The following TTC27 variants were observed in gnomAD, a reference collection of about 807,000 sequenced individuals.
TTC27 encodes the protein tetratricopeptide repeat domain 27.
TTC27 carries 79 observed loss-of-function variants against 115.9 expected under a neutral mutation model. The observed-to-expected ratio is 0.68, with a 90% CI of 0.57 to 0.82. The LOEUF is 0.82. Among genes scored for constraint, TTC27 ranks in the 40% least tolerant of loss-of-function variants. TTC27 has a pLI of 0.00. For synonymous variants in TTC27, 401 were observed against 356.0 expected (o/e 1.13, Z -1.42); for missense variants, 1,054 against 993.1 (o/e 1.06, Z -0.82).
chr2:32,738,904 G>A (rs1346551268), intron 12 of TTC27, among the ~76,000 whole-genome samples: 1 of 152,176 alleles, frequency 6.6e-6, no homozygotes, highest in African/African-American at 2.4e-5. Flanking sequence ...CATTTAAAAT[G>A]TCAAGCAACG....
At chr2:32,670,103 T>G (rs1413654468) in intron 7 of TTC27, among the ~76,000 whole-genome samples, 1 of 151,614 alleles carries the variant, frequency 6.6e-6, no homozygotes, top group African/African-American at 2.4e-5. Context: ...GTCTCGAACT[T>G]CTGACGTCGG....
In TTC27 at chr2:32,645,548, A is replaced by T. The variant is rs115311224; in HGVS notation, c.538-4583A>T. On this transcript the variant is annotated intron_variant, in intron 4 of 19. Transcript: ENST00000317907. ...TTTTTCTTTCTTTGTTTCTTTTTTT[A>T]AAATTGTATTATTATTATGCTTTAA... Among the ~76,000 whole-genome samples, 531 of 151,952 alleles carry T rather than the reference A, an allele frequency of 3.5e-3. 5 individuals are homozygous for T. Among genetic ancestry groups the T allele is most frequent in the African/African-American group, 0.012 (499 of 41,434 alleles).
chr2:32,761,829 GA>G (rs1486409371), intron 13 of TTC27, among the ~76,000 whole-genome samples: 6 of 152,074 alleles, frequency 3.9e-5, no homozygotes, highest in Admixed American at 2.6e-4. Flanking sequence ...GTCTTCACTA[GA>G]ATGTAAGGCC....
chr2:32,689,507 G>T (rs1023302694), intron 9 of TTC27, among the ~76,000 whole-genome samples: 1 of 152,056 alleles, frequency 6.6e-6, no homozygotes, highest in African/African-American at 2.4e-5. Flanking sequence ...ATAGGAAATT[G>T]CTTAGTGTTC....
At chr2:32,783,497 G>C (rs946088206) in intron 15 of TTC27, among the ~76,000 whole-genome samples, 1 of 152,246 alleles carries the variant, frequency 6.6e-6, no homozygotes, top group Admixed American at 6.5e-5. Flanking sequence ...AAGTAAAATT[G>C]CTGCATCTTC....
At chr2:32,691,482 A>G (rs975294117) in intron 9 of TTC27, among the ~76,000 whole-genome samples, 1 of 151,890 alleles carries the variant, frequency 6.6e-6, no homozygotes, top group African/African-American at 2.4e-5. Flanking sequence ...TATTTTTAGT[A>G]GAGACGGGGT....
At chr2:32,771,984 C>T (rs893633202) in intron 13 of TTC27, among the ~76,000 whole-genome samples, 14 of 151,994 alleles carry the variant, frequency 9.2e-5, no homozygotes, top group African/African-American at 3.4e-4. Context: ...GGAAATTAGC[C>T]AAAAGTTTGA....
At chr2:32,655,265 C>G (rs988063824) in intron 5 of TTC27, among the ~76,000 whole-genome samples, 4 of 151,974 alleles carry the variant, frequency 2.6e-5, no homozygotes, top group African/African-American at 9.7e-5. Context: ...GCTGGTATTA[C>G]AGGAGTGAGC....
chr2:32,761,547 C>A (rs1027503563), intron 13 of TTC27, among the ~76,000 whole-genome samples: 1 of 152,078 alleles, frequency 6.6e-6, no homozygotes, highest in African/African-American at 2.4e-5. Context: ...CCAATTCTCC[C>A]CTTTTCTCAC....
At chr2:32,683,434 C>T (rs2151891113) in intron 9 of TTC27, among the ~76,000 whole-genome samples, 1 of 152,122 alleles carries the variant, frequency 6.6e-6, no homozygotes, top group Middle Eastern at 3.4e-3. Context: ...ATTAACTGTC[C>T]CAAAGTTTAC....
At chr2:32,746,492 G>A (rs768087929) in intron 12 of TTC27, among the ~76,000 whole-genome samples, 12 of 141,314 alleles carry the variant, frequency 8.5e-5, no homozygotes, top group Non-Finnish European at 1.7e-4. Flanking sequence ...GAACCTGGGA[G>A]GCAGAGGTTG....
At chr2:32,735,930 G>T (rs1367496491) in intron 11 of TTC27, among the ~76,000 whole-genome samples, 1 of 151,990 alleles carries the variant, frequency 6.6e-6, no homozygotes, top group Non-Finnish European at 1.5e-5. Flanking sequence ...ATCAGTCCTA[G>T]ATTTTTCTGG....
intron 12 of TTC27, among the ~76,000 whole-genome samples, chr2:32,756,752 A>G (rs1033745776): frequency 6.6e-6 from 1 of 152,236 alleles, no homozygotes; most frequent in African/African-American, 2.4e-5. Flanking sequence ...GGATATGTAC[A>G]TCCATTTTGG....
intron 16 of TTC27, among the ~76,000 whole-genome samples, chr2:32,787,782 C>T (rs1182777081): frequency 6.6e-6 from 1 of 151,928 alleles, no homozygotes; most frequent in African/African-American, 2.4e-5. Flanking sequence ...GCACTCCAGC[C>T]TGGGTGACAG....
intron 12 of TTC27, among the ~76,000 whole-genome samples, chr2:32,755,110 C>T (rs1321017906): frequency 6.6e-5 from 10 of 151,788 alleles, no homozygotes; most frequent in South Asian, 4.2e-4. Flanking sequence ...GGATGGCGGG[C>T]GGGCAGAGAT....
chr2:32,819,534 A>G (rs1174790357), intron 19 of TTC27, among the ~76,000 whole-genome samples: 1 of 152,214 alleles, frequency 6.6e-6, no homozygotes, highest in African/African-American at 2.4e-5. Context: ...ATGAATGAGG[A>G]TAACTATGTT....
intron 10 of TTC27, among the ~76,000 whole-genome samples, chr2:32,723,464 T>C (rs79280302): frequency 0.015 from 2,208 of 152,064 alleles, 66 homozygotes; most frequent in African/African-American, 0.05. Flanking sequence ...TCCAGATGTT[T>C]TTCTCTCTCC....
chr2:32,742,672 T>C (rs1176487364), intron 12 of TTC27, among the ~76,000 whole-genome samples: 5 of 152,134 alleles, frequency 3.3e-5, no homozygotes, highest in African/African-American at 7.2e-5. Context: ...TTGTTCTTGG[T>C]GAGAGGGAAA....
At chr2:32,709,097 T>C (rs1223224429) in intron 10 of TTC27, among the ~76,000 whole-genome samples, 1 of 152,186 alleles carries the variant, frequency 6.6e-6, no homozygotes, top group African/African-American at 2.4e-5. Context: ...CATATTGTTA[T>C]AAATGAATGA....
Sources: allele counts gnomAD v4.1 joint callset (sites outside exome capture counted in the v4.1 genomes callset), GRCh38; gene constraint gnomAD v4.1.1; transcripts MANE v1.5; gene names NCBI Gene and HGNC (gene_info 2026-07-23, HGNC 2026-07-21).